The following MBD3 variants were observed in gnomAD, a reference collection of about 807,000 sequenced individuals.
The protein encoded by MBD3 is methyl-CpG-binding domain protein 3.
MBD3 carries 13 observed loss-of-function variants against 31.2 expected under a neutral mutation model. The ratio of observed to expected loss-of-function variants is 0.42; its 90% CI spans 0.27 to 0.66. The LOEUF (loss-of-function observed/expected upper bound fraction) is 0.66. Among genes scored for constraint, MBD3 ranks in the 30% least tolerant of loss-of-function variants. MBD3 has a pLI of 0.26. For missense variants in MBD3, 440 were observed against 426.5 expected, an observed-to-expected ratio of 1.03 and a Z score of -0.28; for synonymous variants, 223 against 187.4, an observed-to-expected ratio of 1.19 and a Z score of -1.55.
chr19:1,585,554 C>CA lies in MBD3; in HGVS notation c.111-341_111-340insT. The CA allele has an allele frequency of 2.8e-6, 1 of 353,722 alleles. No individual in the cohort carries two copies. The highest frequency in any genetic ancestry group is 5.4e-6 in the Non-Finnish European group (1 of 186,470). 21.9% of individuals were successfully genotyped at this position (353,722 alleles called of 1,614,324 possible). A position where few individuals can be genotyped will look rare whatever the true frequency, so the allele number is the denominator to read the frequency against. On this transcript the variant is annotated intron_variant, in intron 1 of 6. Transcript: ENST00000434436. The surrounding 1 kb of genome is among the most constrained non-coding windows in gnomAD (Gnocchi z 4.1). ...TTGCTCCAGACCCCCAACCCCGGTC[C>CA]CCTCTGAATCCTCCCCACCGTAGGC...
intron 1 of MBD3, 142 bp downstream of exon 1, chr19:1,592,380 C>G (rs559765275): frequency 5.0e-6 from 1 of 201,218 alleles, no homozygotes; most frequent in African/African-American, 2.4e-5. Context: ...GCGCCGGGCG[C>G]ACACGCACGC....
chr19:1,592,327 G>A (rs2060708046), intron 1 of MBD3, 195 bp downstream of exon 1: 1 of 167,866 alleles, frequency 6.0e-6, no homozygotes, highest in Non-Finnish European at 1.3e-5. Flanking sequence ...CCGGCCGAAA[G>A]CCATGCGGCC....
At chr19:1,587,689 C>T (rs990841722) in intron 1 of MBD3, among the ~76,000 whole-genome samples, 6 of 152,214 alleles carry the variant, frequency 3.9e-5, no homozygotes, top group African/African-American at 4.8e-5. Context: ...GGATTATAGG[C>T]GGCAGCCACT....
At chr19:1,583,670 C>G (rs2060663983) in intron 3 of MBD3, among the ~76,000 whole-genome samples, 1 of 152,028 alleles carries the variant, frequency 6.6e-6, no homozygotes, top group African/African-American at 2.4e-5. Flanking sequence ...CCAGCCTGGG[C>G]AACATACAGA....
chr19:1,582,474 CCCT>C, intron 4 of MBD3, 145 bp downstream of exon 4: 1 of 735,724 alleles, frequency 1.4e-6, no homozygotes, highest in Non-Finnish European at 2.3e-6. Flanking sequence ...CCACTGGGTC[CCCT>C]CCTCCTGCCC....
At chr19:1,579,585 C>T (rs1022130754) in intron 5 of MBD3, among the ~76,000 whole-genome samples, 1 of 152,136 alleles carries the variant, frequency 6.6e-6, no homozygotes, top group Non-Finnish European at 1.5e-5. Context: ...CCGCCCCCTG[C>T]CTCCGGGGTC....
chr19:1,584,204 C>T (rs2060666603), intron 3 of MBD3, among the ~76,000 whole-genome samples: 1 of 151,854 alleles, frequency 6.6e-6, no homozygotes, highest in African/African-American at 2.4e-5. Flanking sequence ...TATCCTGGCA[C>T]CAATACCCTG....
chr19:1,578,445 G>C lies in MBD3; in HGVS notation c.771C>G (p.Asp257Glu), dbSNP rs755053188. Residue 257 changes from aspartate to glutamate, a missense_variant, in exon 6 of 7, where the codon GAC (aspartate) becomes GAG (glutamate). Coordinates refer to ENST00000434436, the MANE Select transcript of MBD3 (RefSeq NM_001281453.2). This position sits in a 1 kb window ranked among gnomAD's most constrained non-coding sequence, Gnocchi z 6.1. ...AGGCCTTGTCCAGCGGCGCCTCCCC[G>C]TCACGGGCCAGCTCCTCCACGTGCG... is the stretch of plus-strand genomic sequence containing the variant. The part of the protein sequence containing the change: ...MLAHVEELAR[D>E]GEAPLDKACA... 3 of 1,607,086 alleles carry C rather than the reference G, an allele frequency of 1.9e-6. No individual in the cohort carries two copies. The highest frequency in any genetic ancestry group is 1.3e-5 in the African/African-American group (1 of 74,886).
chr19:1,580,914 G>A (rs1011757533), intron 5 of MBD3, among the ~76,000 whole-genome samples, 178 bp downstream of exon 5: 2 of 152,180 alleles, frequency 1.3e-5, no homozygotes, highest in Non-Finnish European at 2.9e-5. Flanking sequence ...AACCCAGGAC[G>A]CGGGTGAAAC....
chr19:1,581,038 C>G, intron 5 of MBD3, 54 bp downstream of exon 5: 6 of 1,608,232 alleles, frequency 3.7e-6, no homozygotes, highest in Non-Finnish European at 4.3e-6. Context: ...ACTCAGGGTC[C>G]CCACGGCCAC....
chr19:1,584,789 C>T lies in MBD3; in HGVS notation c.271-112G>A, dbSNP rs901595384. 5.9e-6 allele frequency: 7 copies of T among 1,179,694 alleles called. No individual in the cohort carries two copies. In the African/African-American group the frequency reaches 9.7e-5, roughly 16 times the overall value. The allele number at this position is 1,179,694 out of a possible 1,614,324, so 73.1% of individuals were successfully genotyped here. On this transcript the variant is annotated intron_variant, in intron 2 of 6. Coordinates refer to ENST00000434436, the MANE Select transcript of MBD3 (RefSeq NM_001281453.2). ...CTTTGCCGGCGCCCCTCGTGTCCCC[C>T]GCGCCCGCCAGGACCCCCACGGTCC...
chr19:1,581,557 A>T (rs1432576160), intron 4 of MBD3: 2 of 502,084 alleles, frequency 4.0e-6, no homozygotes. Context: ...AGCCTGGACA[A>T]CACAGTGAGA....
chr19:1,578,648 G>A lies in MBD3; in HGVS notation c.678-110C>T, dbSNP rs1357431191. ...GAGGGGAGGCCCGAGGGATCCACAG[G>A]CACCCCCCCAGGACCAGCCCTGGCC... On this transcript the variant is annotated intron_variant, in intron 5 of 6. Transcript: ENST00000434436. The surrounding 1 kb of genome is among the most constrained non-coding windows in gnomAD (Gnocchi z 6.1). The A allele has an allele frequency of 3.8e-6, 6 of 1,592,920 alleles. No homozygotes were observed. In the Admixed American group the frequency reaches 1.0e-4, roughly 27 times the overall value.
chr19:1,589,394 TGTAATCCCAGCACTTTGGGAG>T (rs1487324591), intron 1 of MBD3, among the ~76,000 whole-genome samples: 2 of 149,266 alleles, frequency 1.3e-5, no homozygotes, highest in East Asian at 3.9e-4. Context: ...GGCTTTCATC[TGTAATCCCAGCACTTTGGGAG>T]GCCAAGGAGG....
chr19:1,574,972 G>A lies in MBD3; in HGVS notation c.*3192C>T. On this transcript the variant is annotated 3_prime_UTR_variant, in exon 7 of 7. Coordinates refer to ENST00000434436, the MANE Select transcript of MBD3 (RefSeq NM_001281453.2). The stretch of plus-strand genomic sequence containing the variant: ...GATGCCCCTTAGCTGGTGTTGCTGA[G>A]ACTCGGGAGCCCTGTGGTCCGTGTG... 1 of 335,300 alleles carries A rather than the reference G, an allele frequency of 3.0e-6. No homozygotes were observed. Among genetic ancestry groups the A allele is most frequent in the Non-Finnish European group, 6.0e-6 (1 of 167,566 alleles). 20.8% of individuals were successfully genotyped at this position (335,300 alleles called of 1,614,324 possible). A position where few individuals can be genotyped will look rare whatever the true frequency, so the allele number is the denominator to read the frequency against.
chr19:1,580,623 G>A (rs763584197), intron 5 of MBD3, among the ~76,000 whole-genome samples: 92 of 152,356 alleles, frequency 6.0e-4, no homozygotes, highest in Non-Finnish European at 1.0e-3. Flanking sequence ...AGGCCCCGCA[G>A]GAGGGCCGCT....
At chr19:1,587,294 G>T (rs769379503) in intron 1 of MBD3, among the ~76,000 whole-genome samples, 27 of 152,010 alleles carry the variant, frequency 1.8e-4, no homozygotes, top group Non-Finnish European at 3.2e-4. Context: ...TAGAGATAGG[G>T]TCTCACCATG....
chr19:1,583,061 C>T (rs936420420), intron 3 of MBD3, among the ~76,000 whole-genome samples: 4 of 151,850 alleles, frequency 2.6e-5, no homozygotes, highest in South Asian at 2.1e-4. Flanking sequence ...AAAAAAAGTC[C>T]GGTGTGGTGA....
intron 5 of MBD3, among the ~76,000 whole-genome samples, chr19:1,580,116 G>A (rs1917315545): frequency 1.3e-5 from 2 of 152,216 alleles, no homozygotes; most frequent in Admixed American, 1.3e-4. Context: ...TCACAGTCTT[G>A]TTCTTTTCTT....
Sources: allele counts gnomAD v4.1 joint callset (sites outside exome capture counted in the v4.1 genomes callset), GRCh38; gene constraint gnomAD v4.1.1; non-coding constraint Gnocchi (gnomAD v3.1); transcripts MANE v1.5; gene names NCBI Gene and HGNC (gene_info 2026-07-23, HGNC 2026-07-21).